The following MBD3 variants were observed in gnomAD, a reference collection of about 807,000 sequenced individuals.
MBD3 encodes methyl-CpG binding domain protein 3, also known as methyl-CpG-binding domain protein 3.
In MBD3, 13 loss-of-function variants were observed where a neutral mutation model predicts 31.2. That is an observed-to-expected ratio of 0.42 (90% CI 0.27 to 0.66). The LOEUF is 0.66. Ranked by LOEUF, MBD3 falls within the 30% of genes least tolerant of loss-of-function variation. The pLI is 0.26. For missense variants in MBD3, 440 were observed against 426.5 expected (o/e 1.03, Z -0.28); for synonymous variants, 223 against 187.4 (o/e 1.19, Z -1.55).
chr19:1,584,925 C>T (rs1239872178), intron 2 of MBD3, 130 bp downstream of exon 2: 1 of 1,346,480 alleles, frequency 7.4e-7, no homozygotes, highest in Non-Finnish European at 1.0e-6. Flanking sequence ...GCCTTCCGCT[C>T]TGTGCCCTCC....
Position 1,578,609 on chromosome 19 carries a change from G to C in MBD3, c.678-71C>G. ...AGGACATGGACACAGGATGAACGTG[G>C]GGACCTCAGCTGGGAGGGGAGGCCC... On this transcript the variant is annotated intron_variant, in intron 5 of 6. Coordinates refer to ENST00000434436, the MANE Select transcript of MBD3 (RefSeq NM_001281453.2). This position sits in a 1 kb window ranked among gnomAD's most constrained non-coding sequence, Gnocchi z 6.1. The C allele has an allele frequency of 6.2e-7, 1 of 1,602,726 alleles. No homozygotes were observed. Among genetic ancestry groups the C allele is most frequent in the Non-Finnish European group, 8.5e-7 (1 of 1,179,810 alleles).
chr19:1,589,517 G>A (rs1240514941), intron 1 of MBD3, among the ~76,000 whole-genome samples: 1 of 152,086 alleles, frequency 6.6e-6, no homozygotes, highest in Admixed American at 6.6e-5. Context: ...GCTGGGGGTT[G>A]TGGTGGGGGC....
In MBD3 at chr19:1,577,881, A is replaced by G. The variant is rs1917242427; in HGVS notation, c.*283T>C. ...GGGGAGGAGCTGGCCTCGAGCCCAAAGGTCGTAGGGAGCCAGGCAGGGCCC... is the reference window on the plus strand; with the variant it reads ...GGGGAGGAGCTGGCCTCGAGCCCAAGGGTCGTAGGGAGCCAGGCAGGGCCC... On this transcript the variant is annotated 3_prime_UTR_variant, in exon 7 of 7. Coordinates refer to ENST00000434436, the MANE Select transcript of MBD3 (RefSeq NM_001281453.2). 1 of 185,118 alleles carries G rather than the reference A, an allele frequency of 5.4e-6. No homozygotes were observed. Among genetic ancestry groups the G allele is most frequent in the Non-Finnish European group, 1.1e-5 (1 of 87,634 alleles). The allele number at this position is 185,118 out of a possible 1,614,324, so 11.5% of individuals were successfully genotyped here. A position where few individuals can be genotyped will look rare whatever the true frequency, so the allele number is the denominator to read the frequency against.
Position 1,592,754 on chromosome 19 carries a change from C to T in MBD3, c.-123G>A, listed in dbSNP as rs542922896. Reference sequence around the variant, plus strand: ...CCGCCACTTGCCGCGGCTGTTCCGGCCCGCGGGCCCCCGCCCTCCGCCCCC... The same window carrying T: ...CCGCCACTTGCCGCGGCTGTTCCGGTCCGCGGGCCCCCGCCCTCCGCCCCC... On this transcript the variant is annotated 5_prime_UTR_variant, in exon 1 of 7. Transcript: ENST00000434436. The T allele has an allele frequency of 1.5e-3, 264 of 177,632 alleles. No individual in the cohort carries two copies. Among genetic ancestry groups the T allele is most frequent in the African/African-American group, 6.1e-3 (252 of 41,486 alleles). 11.0% of individuals were successfully genotyped at this position (177,632 alleles called of 1,614,324 possible). A position where few individuals can be genotyped will look rare whatever the true frequency, so the allele number is the denominator to read the frequency against.
intron 1 of MBD3, among the ~76,000 whole-genome samples, chr19:1,591,184 C>T (rs1170117251): frequency 3.3e-5 from 5 of 152,190 alleles, no homozygotes; most frequent in Non-Finnish European, 7.3e-5. Flanking sequence ...GTCATCTGCC[C>T]TCCCAGATTT....
chr19:1,578,198 G>C lies in MBD3; in HGVS notation c.*6-40C>G, dbSNP rs944885173. The C allele has an allele frequency of 7.3e-7, 1 of 1,366,484 alleles. No individual in the cohort carries two copies. Among genetic ancestry groups the C allele is most frequent in the African/African-American group, 1.4e-5 (1 of 70,076 alleles). The allele number at this position is 1,366,484 out of a possible 1,614,324, so 84.6% of individuals were successfully genotyped here. On this transcript the variant is annotated intron_variant, in intron 6 of 6. Transcript: ENST00000434436. This position sits in a 1 kb window ranked among gnomAD's most constrained non-coding sequence, Gnocchi z 6.1. Reference sequence around the variant, plus strand: ...GAGGGCTGGCTTTAGCGACTCCACGGGACGGGGACGCTTGGGCTCTTCTAG... The same window carrying C: ...GAGGGCTGGCTTTAGCGACTCCACGCGACGGGGACGCTTGGGCTCTTCTAG...
intron 1 of MBD3, 165 bp downstream of exon 1, chr19:1,592,357 A>C: frequency 5.6e-6 from 1 of 177,620 alleles, no homozygotes; most frequent in Non-Finnish European, 1.2e-5. Flanking sequence ...GCGCACGCGC[A>C]CTGGGCCTCC....
chr19:1,585,553 C>CTA lies in MBD3; in HGVS notation c.111-340_111-339insTA. Reference sequence around the variant, plus strand: ...CTTGCTCCAGACCCCCAACCCCGGTCCCCTCTGAATCCTCCCCACCGTAGG... The same window carrying CTA: ...CTTGCTCCAGACCCCCAACCCCGGTCTACCCTCTGAATCCTCCCCACCGTAGG... On this transcript the variant is annotated intron_variant, in intron 1 of 6. Coordinates refer to ENST00000434436, the MANE Select transcript of MBD3 (RefSeq NM_001281453.2). This position sits in a 1 kb window ranked among gnomAD's most constrained non-coding sequence, Gnocchi z 4.1. 8.4e-6 allele frequency: 3 copies of CTA among 358,018 alleles called. No homozygotes were observed. Among genetic ancestry groups the CTA allele is most frequent in the South Asian group, 2.7e-5 (1 of 37,300 alleles). 22.2% of individuals were successfully genotyped at this position (358,018 alleles called of 1,614,324 possible). A position where few individuals can be genotyped will look rare whatever the true frequency, so the allele number is the denominator to read the frequency against.
Position 1,585,356 on chromosome 19 carries a change from A to C in MBD3, c.111-142T>G. On this transcript the variant is annotated intron_variant, in intron 1 of 6. Transcript: ENST00000434436. This position sits in a 1 kb window ranked among gnomAD's most constrained non-coding sequence, Gnocchi z 4.1. ...GACCCCAACACGGCCCTGACCCCAA[A>C]CCCAGGCAGGCCCTGGCCCCAGCCC... 3.4e-6 allele frequency: 3 copies of C among 894,042 alleles called. No individual in the cohort carries two copies. The highest frequency in any genetic ancestry group is 1.7e-5 in the African/African-American group (1 of 59,764). The allele number at this position is 894,042 out of a possible 1,614,324, so 55.4% of individuals were successfully genotyped here. A position where few individuals can be genotyped will look rare whatever the true frequency, so the allele number is the denominator to read the frequency against.
rs375510291 is a variant in MBD3 at position 1,578,578 on chromosome 19, G to A, written c.678-40C>T. On this transcript the variant is annotated intron_variant, in intron 5 of 6. Coordinates refer to ENST00000434436, the MANE Select transcript of MBD3 (RefSeq NM_001281453.2). The surrounding 1 kb of genome is among the most constrained non-coding windows in gnomAD (Gnocchi z 6.1). ...ACCTTGCGTTACACCAAGGTGAGCGGCCAGCAGGACATGGACACAGGATGA... is the reference window on the plus strand; with the variant it reads ...ACCTTGCGTTACACCAAGGTGAGCGACCAGCAGGACATGGACACAGGATGA... 1 of 1,608,572 alleles carries A rather than the reference G, an allele frequency of 6.2e-7. No homozygotes were observed. Among genetic ancestry groups the A allele is most frequent in the African/African-American group, 1.3e-5 (1 of 75,042 alleles).
rs992596413 is a variant in MBD3, at chr19:1,585,897, A to G, written c.111-683T>C. 3 of 153,268 alleles carry G rather than the reference A, an allele frequency of 2.0e-5. No homozygotes were observed. Among genetic ancestry groups the G allele is most frequent in the Admixed American group, 6.5e-5 (1 of 15,402 alleles). The allele number at this position is 153,268 out of a possible 1,614,324, so 9.5% of individuals were successfully genotyped here. On this transcript the variant is annotated intron_variant, in intron 1 of 6. Transcript: ENST00000434436. This position sits in a 1 kb window ranked among gnomAD's most constrained non-coding sequence, Gnocchi z 4.1. The stretch of plus-strand genomic sequence containing the variant: ...AGCTCGCAACAAGGCAGCCAGGTAA[A>G]CACAGACCTGCTCTCAGACACGGGG...
chr19:1,584,463 G>T, intron 3 of MBD3, 77 bp downstream of exon 3: 2 of 1,589,178 alleles, frequency 1.3e-6, no homozygotes, highest in African/African-American at 1.3e-5. Flanking sequence ...CTCCACGTAC[G>T]ACCTCATTCC....
chr19:1,592,439 CCCGGGGCAGGGGCG>C (rs978245841), intron 1 of MBD3, 69 bp downstream of exon 1: 11 of 495,346 alleles, frequency 2.2e-5, no homozygotes, highest in Non-Finnish European at 2.9e-5. Context: ...CAGGCCGCGG[CCCGGGGCAGGGGCG>C]CCGAGGCCGC....
Position 1,578,296 on chromosome 19 carries a change from A to AGGACCCGACTCCAG in MBD3, c.*5+25_*5+38dup, listed in dbSNP as rs763543260. ...TGTTCACCAGGCAGTCCCCACTGCC[A>AGGACCCGACTCCAG]GGACCCGACTCCAGGGAGCCCCCGT... On this transcript the variant is annotated intron_variant, in intron 6 of 6. Transcript: ENST00000434436. This position sits in a 1 kb window ranked among gnomAD's most constrained non-coding sequence, Gnocchi z 6.1. 1 of 1,599,214 alleles carries AGGACCCGACTCCAG rather than the reference A, an allele frequency of 6.3e-7. No individual in the cohort carries two copies. Among genetic ancestry groups the AGGACCCGACTCCAG allele is most frequent in the South Asian group, 1.1e-5 (1 of 90,968 alleles).
chr19:1,587,581 A>T (rs1366594012), intron 1 of MBD3, among the ~76,000 whole-genome samples: 1 of 151,948 alleles, frequency 6.6e-6, no homozygotes, highest in African/African-American at 2.4e-5. Flanking sequence ...TGCCCAGCTA[A>T]TTTTTAAATT....
intron 1 of MBD3, among the ~76,000 whole-genome samples, chr19:1,589,113 C>T (rs1199250664): frequency 6.6e-6 from 1 of 152,052 alleles, no homozygotes; most frequent in African/African-American, 2.4e-5. Context: ...GGGCCAATCA[C>T]CTGAGATCAG....
chr19:1,582,288 G>A (rs950188769), intron 4 of MBD3, among the ~76,000 whole-genome samples: 2 of 152,174 alleles, frequency 1.3e-5, no homozygotes, highest in Non-Finnish European at 2.9e-5. Flanking sequence ...GAGTACAGAA[G>A]CAAAGTCAGC....
rs961678345 is a variant in MBD3 at position 1,573,827 on chromosome 19, C to A, written c.*4337G>T. The A allele has an allele frequency of 1.3e-5, 2 of 152,144 alleles. No homozygotes were observed. The highest frequency in any genetic ancestry group is 4.8e-5 in the African/African-American group (2 of 41,416). The allele number at this position is 152,144 out of a possible 1,614,324, so 9.4% of individuals were successfully genotyped here. ...TTTGCCCGTGGCCAACATGGTGAAA[C>A]CCTGTCTCTACTAAAAGTACAAAGA... On this transcript the variant is annotated 3_prime_UTR_variant, in exon 7 of 7. Coordinates refer to ENST00000434436, the MANE Select transcript of MBD3 (RefSeq NM_001281453.2).
chr19:1,592,491 GAGGCCCTGCGCGGCC>G lies in MBD3; in HGVS notation c.110+16_110+30del, dbSNP rs763306958. On this transcript the variant is annotated intron_variant, in intron 1 of 6. Transcript: ENST00000434436. ...CAGAGGCCGCTGGGAGGAGCCCGTT[GAGGCCCTGCGCGGCC>G]GGCGCGCTCATTCACCTATAGTAAA... is the stretch of plus-strand genomic sequence containing the variant. The G allele has an allele frequency of 9.5e-6, 12 of 1,258,856 alleles. No individual in the cohort carries two copies. Among genetic ancestry groups the G allele is most frequent in the African/African-American group, 1.6e-5 (1 of 62,320 alleles). The allele number at this position is 1,258,856 out of a possible 1,614,324, so 78.0% of individuals were successfully genotyped here. A position where few individuals can be genotyped will look rare whatever the true frequency, so the allele number is the denominator to read the frequency against.
Sources: gnomAD v4.1 joint callset for allele counts (sites outside exome capture counted in the v4.1 genomes callset) on GRCh38, gnomAD v4.1.1 for gene constraint, Gnocchi (gnomAD v3.1) non-coding constraint, MANE v1.5 for transcripts, NCBI Gene and HGNC (gene_info 2026-07-23, HGNC 2026-07-21) for gene names.